The following GAREM1 variants were observed in gnomAD, a reference collection of about 807,000 sequenced individuals.
GAREM1 encodes the protein GRB2-associated and regulator of MAPK protein 1.
A neutral mutation model predicts 71.3 loss-of-function variants in GAREM1; 26 were observed. The ratio of observed to expected loss-of-function variants is 0.36; its 90% CI spans 0.27 to 0.51. The LOEUF (loss-of-function observed/expected upper bound fraction) is 0.51. Ranked by LOEUF, GAREM1 falls within the 20% of genes least tolerant of loss-of-function variation. The pLI is 0.95. For missense variants in GAREM1, 1,026 were observed against 1,103.1 expected (o/e 0.93, Z 0.99); for synonymous variants, 440 against 433.2 (o/e 1.02, Z -0.20).
At chr18:32,423,860 A>G (rs1009686431) in intron 1 of GAREM1, among the ~76,000 whole-genome samples, 2 of 152,204 alleles carry the variant, frequency 1.3e-5, no homozygotes, top group African/African-American at 4.8e-5. Flanking sequence ...GGAGCTGGGC[A>G]TGGTGGCTCA....
intron 2 of GAREM1, among the ~76,000 whole-genome samples, chr18:32,386,884 T>C (rs1168516976): frequency 6.6e-6 from 1 of 152,214 alleles, no homozygotes; most frequent in African/African-American, 2.4e-5. Flanking sequence ...TTACGCAAGT[T>C]AGATCTCTGA....
chr18:32,343,015 ACAGT>A (rs2047661733), intron 2 of GAREM1, among the ~76,000 whole-genome samples: 1 of 152,236 alleles, frequency 6.6e-6, no homozygotes, highest in Non-Finnish European at 1.5e-5. Flanking sequence ...AACATGTCTG[ACAGT>A]CAGTCTCCCT....
chr18:32,348,020 T>C (rs1364382468), intron 2 of GAREM1, among the ~76,000 whole-genome samples: 1 of 152,258 alleles, frequency 6.6e-6, no homozygotes, highest in Non-Finnish European at 1.5e-5. Flanking sequence ...AAAATAGAGA[T>C]TTAAAAATCT....
chr18:32,410,917 T>G (rs1339491684), intron 1 of GAREM1, among the ~76,000 whole-genome samples: 7 of 152,082 alleles, frequency 4.6e-5, no homozygotes, highest in Admixed American at 1.3e-4. Flanking sequence ...ATTCTCGTGC[T>G]TCAGCTTCCC....
At chr18:32,335,361 T>C (rs2047579913) in intron 2 of GAREM1, among the ~76,000 whole-genome samples, 1 of 152,194 alleles carries the variant, frequency 6.6e-6, no homozygotes, top group Non-Finnish European at 1.5e-5. Flanking sequence ...CACGGTTCTG[T>C]GTGCACATGG....
At chr18:32,433,200 A>C (rs924612376) in intron 1 of GAREM1, among the ~76,000 whole-genome samples, 2 of 151,852 alleles carry the variant, frequency 1.3e-5, no homozygotes, top group Non-Finnish European at 2.9e-5. Context: ...GATGTAGAAA[A>C]AACATATCAC....
chr18:32,413,848 T>C (rs1353474684), intron 1 of GAREM1, among the ~76,000 whole-genome samples: 1 of 152,186 alleles, frequency 6.6e-6, no homozygotes, highest in Non-Finnish European at 1.5e-5. Context: ...ATTGGTACTG[T>C]GGTTAGTTAC....
intron 3 of GAREM1, among the ~76,000 whole-genome samples, chr18:32,304,501 T>G (rs1352224927): frequency 2.0e-5 from 3 of 152,162 alleles, no homozygotes; most frequent in Non-Finnish European, 2.9e-5. Context: ...GGCTATATAG[T>G]TTCTGCTACA....
At chr18:32,307,882 A>G (rs1218635551) in intron 3 of GAREM1, among the ~76,000 whole-genome samples, 1 of 152,196 alleles carries the variant, frequency 6.6e-6, no homozygotes, top group African/African-American at 2.4e-5. Flanking sequence ...TTACTGGTCC[A>G]GGTGGTATCC....
At chr18:32,414,118 AT>A (rs2048445351) in intron 1 of GAREM1, among the ~76,000 whole-genome samples, 1 of 152,188 alleles carries the variant, frequency 6.6e-6, no homozygotes. Flanking sequence ...ACAAAAAATT[AT>A]AGATAAAAGG....
intron 2 of GAREM1, among the ~76,000 whole-genome samples, chr18:32,355,541 T>C (rs184403817): frequency 7.9e-4 from 120 of 152,294 alleles, no homozygotes; most frequent in Middle Eastern, 3.4e-3. Context: ...GTTTCATCAC[T>C]AAAAAGAGTG....
At chr18:32,362,051 G>C (rs1453687032) in intron 2 of GAREM1, among the ~76,000 whole-genome samples, 1 of 152,122 alleles carries the variant, frequency 6.6e-6, no homozygotes, top group East Asian at 1.9e-4. Context: ...TATCATGCTT[G>C]GCCTGGCAAG....
At chr18:32,347,883 T>C (rs1181716720) in intron 2 of GAREM1, among the ~76,000 whole-genome samples, 1 of 152,202 alleles carries the variant, frequency 6.6e-6, no homozygotes, top group East Asian at 1.9e-4. Context: ...TCAGGTCCTT[T>C]TCTCGCTGGA....
intron 4 of GAREM1, among the ~76,000 whole-genome samples, chr18:32,276,295 C>T (rs2041541783): frequency 2.0e-5 from 3 of 152,222 alleles, no homozygotes; most frequent in African/African-American, 7.2e-5. Flanking sequence ...CATCGACTTC[C>T]ACCATCCCTG....
At chr18:32,433,984 T>G (rs1417632926) in intron 1 of GAREM1, among the ~76,000 whole-genome samples, 1 of 152,154 alleles carries the variant, frequency 6.6e-6, no homozygotes, top group African/African-American at 2.4e-5. Context: ...TCAAAATGAT[T>G]TTTAATCACA....
intron 1 of GAREM1, among the ~76,000 whole-genome samples, chr18:32,409,033 C>T (rs1016751788): frequency 3.9e-5 from 6 of 152,076 alleles, no homozygotes; most frequent in African/African-American, 7.2e-5. Context: ...TTCTTTGGAG[C>T]GTACACCACG....
chr18:32,417,583 C>T (rs1266139768), intron 1 of GAREM1, among the ~76,000 whole-genome samples: 1 of 152,054 alleles, frequency 6.6e-6, no homozygotes, highest in Non-Finnish European at 1.5e-5. Flanking sequence ...ATGGGTGGAA[C>T]TGGAGGTCAT....
intron 1 of GAREM1, among the ~76,000 whole-genome samples, chr18:32,452,743 T>C (rs1229218158): frequency 6.6e-6 from 1 of 152,116 alleles, no homozygotes; most frequent in Non-Finnish European, 1.5e-5. Flanking sequence ...ATGAATAGTG[T>C]GGAAACCACA....
At chr18:32,271,338 G>A (rs1194400168) in intron 4 of GAREM1, among the ~76,000 whole-genome samples, 3 of 151,962 alleles carry the variant, frequency 2.0e-5, no homozygotes, top group Non-Finnish European at 4.4e-5. Context: ...GATTACAGGC[G>A]CCTGCCATCA....
Sources: gnomAD v4.1 joint callset for allele counts (sites outside exome capture counted in the v4.1 genomes callset) on GRCh38, gnomAD v4.1.1 for gene constraint, MANE v1.5 for transcripts, NCBI Gene and HGNC (gene_info 2026-07-23, HGNC 2026-07-21) for gene names.